ROBO2: variants seen among roughly 807,000 people sequenced by gnomAD.
ROBO2 encodes roundabout homolog 2.
Under a neutral mutation model 160.8 loss-of-function variants are expected in ROBO2, and 53 were observed. That is an observed-to-expected ratio of 0.33 (90% CI 0.26 to 0.41). ROBO2 has a LOEUF of 0.41. Among genes scored for constraint, ROBO2 ranks in the 10% least tolerant of loss-of-function variants. The pLI is 1.00. For missense variants in ROBO2, 1,577 were observed against 1,722.4 expected (o/e 0.92, Z 1.49); for synonymous variants, 664 against 611.7 (o/e 1.09, Z -1.26).
chr3:76,948,579 A>ATTTTTT (rs757654181), intron 2 of ROBO2, among the ~76,000 whole-genome samples: 1 of 93,662 alleles, frequency 1.1e-5, no homozygotes, highest in Non-Finnish European at 2.1e-5. Context: ...TTATAATCTA[A>ATTTTTT]TTTTTTTTTT....
intron 2 of ROBO2, among the ~76,000 whole-genome samples, chr3:76,610,855 C>A (rs2088053469): frequency 6.6e-6 from 1 of 152,186 alleles, no homozygotes; most frequent in South Asian, 2.1e-4. Flanking sequence ...ACTCTCACTG[C>A]GCGCCACTGG....
intron 2 of ROBO2, among the ~76,000 whole-genome samples, chr3:76,257,579 C>A (rs536932056): frequency 6.6e-6 from 1 of 151,968 alleles, no homozygotes; most frequent in African/African-American, 2.4e-5. Context: ...ATGTGCTGAT[C>A]GCTATTGTAT....
At chr3:76,506,343 C>T (rs1356483992) in intron 2 of ROBO2, among the ~76,000 whole-genome samples, 3 of 152,158 alleles carry the variant, frequency 2.0e-5, no homozygotes, top group Non-Finnish European at 4.4e-5. Context: ...TTGACCTCTA[C>T]CTAATCTTCT....
intron 2 of ROBO2, among the ~76,000 whole-genome samples, chr3:77,026,297 A>T (rs981114267): frequency 6.6e-6 from 1 of 152,152 alleles, no homozygotes; most frequent in Non-Finnish European, 1.5e-5. Flanking sequence ...AAAATAGAGG[A>T]TTGTGATATT....
At chr3:76,075,444 T>C (rs1026535175) in intron 2 of ROBO2, among the ~76,000 whole-genome samples, 2 of 149,466 alleles carry the variant, frequency 1.3e-5, no homozygotes, top group Non-Finnish European at 3.0e-5. Context: ...GGGATATTTT[T>C]AAAAATGTTC....
intron 23 of ROBO2, chr3:77,631,697 G>A (rs933121188): frequency 4.6e-5 from 7 of 152,046 alleles, no homozygotes; most frequent in East Asian, 3.9e-4. Context: ...CTCTTTAAAC[G>A]TAAAATTAAA....
intron 2 of ROBO2, among the ~76,000 whole-genome samples, chr3:77,372,240 A>G (rs1257215938): frequency 9.9e-5 from 15 of 152,102 alleles, no homozygotes; most frequent in Non-Finnish European, 2.2e-4. Context: ...GCATTATTAA[A>G]AAGTGTCCGG....
intron 2 of ROBO2, among the ~76,000 whole-genome samples, chr3:76,800,263 A>G (rs2064097030): frequency 6.6e-6 from 1 of 152,168 alleles, no homozygotes; most frequent in Admixed American, 6.5e-5. Flanking sequence ...AAACTGTAAA[A>G]CTACTAAACG....
intron 2 of ROBO2, among the ~76,000 whole-genome samples, chr3:76,279,815 A>C (rs1708136521): frequency 6.6e-6 from 1 of 151,984 alleles, no homozygotes; most frequent in African/African-American, 2.4e-5. Flanking sequence ...TAAATTTGGC[A>C]ATTTAATCTT....
chr3:76,349,575 G>T (rs1281013449), intron 2 of ROBO2, among the ~76,000 whole-genome samples: 1 of 152,072 alleles, frequency 6.6e-6, no homozygotes, highest in Non-Finnish European at 1.5e-5. Context: ...ATTTTTGTGT[G>T]TGCTTAAGAT....
At chr3:77,450,130 A>C (rs2080974342) in intron 2 of ROBO2, among the ~76,000 whole-genome samples, 1 of 152,246 alleles carries the variant, frequency 6.6e-6, no homozygotes, top group South Asian at 2.1e-4. Context: ...CTCTCTAGAC[A>C]GTTTTCTCTG....
At chr3:76,829,173 A>G (rs1001106095) in intron 2 of ROBO2, among the ~76,000 whole-genome samples, 1 of 152,054 alleles carries the variant, frequency 6.6e-6, no homozygotes, top group African/African-American at 2.4e-5. Context: ...AAACTCACAT[A>G]ATCTATGCTC....
chr3:76,988,076 A>C (rs1452107269), intron 2 of ROBO2, among the ~76,000 whole-genome samples: 1 of 152,182 alleles, frequency 6.6e-6, no homozygotes, highest in Non-Finnish European at 1.5e-5. Flanking sequence ...GACAAAATAA[A>C]ATATTATGCA....
chr3:77,581,369 GA>G (rs570617521), intron 16 of ROBO2, among the ~76,000 whole-genome samples: 3 of 152,052 alleles, frequency 2.0e-5, no homozygotes, highest in Non-Finnish European at 2.9e-5. Flanking sequence ...TGCTTCCTAA[GA>G]AATTGTGGCT....
chr3:77,295,053 A>T (rs891648413), intron 2 of ROBO2, among the ~76,000 whole-genome samples: 24 of 151,532 alleles, frequency 1.6e-4, no homozygotes, highest in Non-Finnish European at 3.4e-4. Context: ...TGATGCTTAA[A>T]CGGGTAAACT....
At chr3:77,479,872 G>A (rs547445462) in intron 3 of ROBO2, among the ~76,000 whole-genome samples, 2 of 152,240 alleles carry the variant, frequency 1.3e-5, no homozygotes, top group South Asian at 4.1e-4. Flanking sequence ...GGCTAGTTCA[G>A]TCGGTTCCCA....
At chr3:77,213,017 G>T (rs1315298200) in intron 2 of ROBO2, among the ~76,000 whole-genome samples, 1 of 152,142 alleles carries the variant, frequency 6.6e-6, no homozygotes, top group Admixed American at 6.6e-5. Context: ...GTTCATCAGG[G>T]ATATTGGTCT....
At chr3:77,240,534 A>G (rs2088874303) in intron 2 of ROBO2, among the ~76,000 whole-genome samples, 2 of 152,112 alleles carry the variant, frequency 1.3e-5, no homozygotes, top group South Asian at 4.1e-4. Flanking sequence ...GGGCTCCCAC[A>G]CTGCAGCAGC....
At chr3:76,057,317 T>C (rs1297600682) in intron 2 of ROBO2, among the ~76,000 whole-genome samples, 1 of 152,168 alleles carries the variant, frequency 6.6e-6, no homozygotes, top group Non-Finnish European at 1.5e-5. Flanking sequence ...CCTTCAGTAA[T>C]TCAATAAGTA....
Sources: allele counts gnomAD v4.1 joint callset (sites outside exome capture counted in the v4.1 genomes callset), GRCh38; gene constraint gnomAD v4.1.1; transcripts MANE v1.5; gene names NCBI Gene and HGNC (gene_info 2026-07-23, HGNC 2026-07-21).